Variants in GABRA5 observed in about 807,000 individuals in gnomAD.
The protein encoded by GABRA5 is gamma-aminobutyric acid receptor subunit alpha-5.
Under a neutral mutation model 47.3 loss-of-function variants are expected in GABRA5, and 18 were observed. The ratio of observed to expected loss-of-function variants is 0.38; its 90% confidence interval spans 0.26 to 0.56. The LOEUF is 0.56. GABRA5 is among the 20% of genes least tolerant of loss of function. GABRA5 has a pLI of 0.71. For synonymous variants in GABRA5, 237 were observed against 229.3 expected (o/e 1.03, Z -0.30); for missense variants, 365 against 599.3 (o/e 0.61, Z 4.08).
At chr15:26,869,489 C>G (rs1892410027) in intron 3 of GABRA5, among the ~76,000 whole-genome samples, 155 bp downstream of exon 3, 1 of 152,168 alleles carries the variant, frequency 6.6e-6, no homozygotes, top group African/African-American at 2.4e-5. Context: ...AGTCATTGCC[C>G]TGACCCACGC....
chr15:26,948,805 T>G lies in GABRA5; in HGVS notation c.*572T>G, dbSNP rs1894577699. 1 of 152,520 alleles carries G rather than the reference T, an allele frequency of 6.6e-6. No individual in the cohort carries two copies. Among genetic ancestry groups the G allele is most frequent in the Non-Finnish European group, 1.5e-5 (1 of 68,294 alleles). The allele number at this position is 152,520 out of a possible 1,614,324, so 9.4% of individuals were successfully genotyped here. The stretch of plus-strand genomic sequence containing the variant: ...AAGAAATAGAATAGGCAAACTTTTA[T>G]GCAGGCAGATTAATAACAGAAATAC... On this transcript the variant is annotated 3_prime_UTR_variant, in exon 11 of 11. Transcript: ENST00000335625.
chr15:26,879,438 A>G (rs1431763815), intron 3 of GABRA5, among the ~76,000 whole-genome samples: 2 of 152,190 alleles, frequency 1.3e-5, no homozygotes, highest in Non-Finnish European at 2.9e-5. Flanking sequence ...AGAAAGGGGA[A>G]TTTAATGTTT....
chr15:26,869,276 A>G lies in GABRA5; in HGVS notation c.28A>G (p.Ile10Val). Residue 10 changes from isoleucine to valine, a missense_variant, in exon 3 of 11, where the codon ATC becomes GTC. By Grantham distance (29) the Ile-to-Val change is conservative. Around this residue, in one of 3 missense-constraint regions of GABRA5, gnomAD observed 216 missense variants for 335.3 expected, o/e 0.64. Transcript: ENST00000335625. ...GGACAATGGAATGTTCTCTGGTTTT[A>G]TCATGATCAAAAACCTCCTTCTCTT... Reference protein sequence around the residue: MDNGMFSGFIMIKNLLLFCI... With the variant: MDNGMFSGFVMIKNLLLFCI... 2 of 1,607,784 alleles carry G rather than the reference A, an allele frequency of 1.2e-6. No individual in the cohort carries two copies. The highest frequency in any genetic ancestry group is 1.7e-6 in the Non-Finnish European group (2 of 1,174,256).
chr15:26,921,246 G>A (rs1173566927), intron 7 of GABRA5, among the ~76,000 whole-genome samples: 2 of 151,980 alleles, frequency 1.3e-5, no homozygotes, highest in Non-Finnish European at 2.9e-5. Flanking sequence ...AAACCACCAG[G>A]GCTTGAAGGT....
At chr15:26,937,971 A>G (rs749119414) in intron 8 of GABRA5, among the ~76,000 whole-genome samples, 1 of 152,228 alleles carries the variant, frequency 6.6e-6, no homozygotes, top group Non-Finnish European at 1.5e-5. Flanking sequence ...TGCTGTGAGC[A>G]AGGGAGGGGA....
intron 7 of GABRA5, among the ~76,000 whole-genome samples, chr15:26,916,972 G>T (rs2140296631): frequency 6.6e-6 from 1 of 152,154 alleles, no homozygotes; most frequent in Middle Eastern, 3.4e-3. Flanking sequence ...TCTTTTGGTG[G>T]AGTTTTTTGG....
chr15:26,873,731 A>G (rs935983759), intron 3 of GABRA5, among the ~76,000 whole-genome samples: 2 of 152,196 alleles, frequency 1.3e-5, no homozygotes, highest in Non-Finnish European at 2.9e-5. Flanking sequence ...TTCCTGCACC[A>G]TAGCTGCGGG....
chr15:26,879,765 C>G (rs1892683892), intron 3 of GABRA5, among the ~76,000 whole-genome samples: 1 of 152,160 alleles, frequency 6.6e-6, no homozygotes, highest in Admixed American at 6.6e-5. Flanking sequence ...CTGATTTCAG[C>G]CTTTTCATGG....
chr15:26,874,349 CA>C (rs1259741206), intron 3 of GABRA5, among the ~76,000 whole-genome samples: 1 of 151,738 alleles, frequency 6.6e-6, no homozygotes, highest in Non-Finnish European at 1.5e-5. Flanking sequence ...TTAATTTACA[CA>C]AAATTCTTGA....
intron 8 of GABRA5, 33 bp from the exon 9 acceptor site, chr15:26,939,892 G>C: frequency 6.2e-7 from 1 of 1,611,326 alleles, no homozygotes; most frequent in East Asian, 2.2e-5. Context: ...GAGACTCTAG[G>C]GGACTGATGT....
intron 6 of GABRA5, among the ~76,000 whole-genome samples, chr15:26,898,985 C>T (rs1015431098): frequency 8.5e-5 from 13 of 152,210 alleles, no homozygotes; most frequent in Middle Eastern, 6.8e-3. Context: ...ATCCTCCCAC[C>T]TCAGCCTTCC....
At chr15:26,896,191 C>T (rs1893190137) in intron 6 of GABRA5, among the ~76,000 whole-genome samples, 1 of 152,144 alleles carries the variant, frequency 6.6e-6, no homozygotes, top group Non-Finnish European at 1.5e-5. Context: ...AAGTGTGTTC[C>T]TGTTGTCTCC....
chr15:26,868,321 C>A (rs1292869342), intron 1 of GABRA5, among the ~76,000 whole-genome samples: 1 of 152,104 alleles, frequency 6.6e-6, no homozygotes, highest in Non-Finnish European at 1.5e-5. Flanking sequence ...TCGCAGAAGG[C>A]CTTCGCTTCC....
At chr15:26,900,202 G>A (rs71214906) in intron 6 of GABRA5, among the ~76,000 whole-genome samples, 75 of 152,028 alleles carry the variant, frequency 4.9e-4, no homozygotes, top group Non-Finnish European at 6.2e-4. Context: ...GTCATAAATT[G>A]TATCTTTACA....
chr15:26,919,353 AT>A (rs145074076), intron 7 of GABRA5, among the ~76,000 whole-genome samples: 2 of 151,608 alleles, frequency 1.3e-5, no homozygotes, highest in South Asian at 2.1e-4. Context: ...GTGCTTCATT[AT>A]TTTTTTTGTA....
At chr15:26,910,866 C>A (rs546379022) in intron 6 of GABRA5, among the ~76,000 whole-genome samples, 3 of 152,180 alleles carry the variant, frequency 2.0e-5, no homozygotes, top group Non-Finnish European at 2.9e-5. Flanking sequence ...GTCTCTCTTG[C>A]GCTATGACAG....
At chr15:26,936,111 G>A (rs544275802) in intron 7 of GABRA5, among the ~76,000 whole-genome samples, 11 of 152,230 alleles carry the variant, frequency 7.2e-5, no homozygotes, top group South Asian at 2.1e-4. Context: ...TCCCCTGCTC[G>A]CACTCATTCT....
chr15:26,877,659 T>G (rs143375161), intron 3 of GABRA5: 17 of 455,626 alleles, frequency 3.7e-5, no homozygotes, highest in Non-Finnish European at 7.1e-5. Flanking sequence ...AAAGATTTTT[T>G]CTTCTCCAGA....
intron 6 of GABRA5, among the ~76,000 whole-genome samples, chr15:26,896,928 GTAGAGAAAAAAAT>G: frequency 2.5e-5 from 1 of 39,390 alleles, no homozygotes; most frequent in African/African-American, 7.4e-5. Flanking sequence ...AAATTAATAT[GTAGAGAAAAAAAT>G]CTCTACATCT....
Sources: gnomAD v4.1 joint callset for allele counts (sites outside exome capture counted in the v4.1 genomes callset) on GRCh38, gnomAD v4.1.1 for gene constraint, gnomAD v4.1.1 regional missense constraint, MANE v1.5 for transcripts, NCBI Gene and HGNC (gene_info 2026-07-23, HGNC 2026-07-21) for gene names.